The following NRXN3 variants were observed in gnomAD, a reference collection of about 807,000 sequenced individuals.
NRXN3 encodes neurexin 3.
Under a neutral mutation model 137.6 loss-of-function variants are expected in NRXN3, and 32 were observed. The ratio of observed to expected loss-of-function variants is 0.23; its 90% confidence interval spans 0.18 to 0.31. The LOEUF (loss-of-function observed/expected upper bound fraction) is 0.31, where lower values mean the gene tolerates loss of function less well. Ranked by LOEUF, NRXN3 falls within the 10% of genes least tolerant of loss-of-function variation. The probability of loss-of-function intolerance (pLI) is 1.00; values close to 1 mark genes in which losing one functional copy is unlikely to be tolerated. For synonymous variants in NRXN3, 798 were observed against 784.5 expected (o/e 1.02, Z -0.29); for missense variants, 1,574 against 2,062.5 (o/e 0.76, Z 4.59).
intron 20 of NRXN3, among the ~76,000 whole-genome samples, chr14:79,814,291 ATCTTG>A (rs1310576123): frequency 8.5e-5 from 13 of 152,180 alleles, no homozygotes; most frequent in African/African-American, 2.9e-4. Context: ...CTGTCTTGCC[ATCTTG>A]TCTTGTCCAC....
Position 78,715,026 on chromosome 14 carries a change from C to A in NRXN3, c.1931C>A (p.Ala644Asp). The A allele has an allele frequency of 6.2e-7, 1 of 1,613,982 alleles. No individual in the cohort carries two copies. The highest frequency in any genetic ancestry group is 8.5e-7 in the Non-Finnish European group (1 of 1,180,020). ...AAGTCCTCCTGTTCACGGATGAGTG[C>A]CAAGCAGTGTGACAGCTACCCCTGC... ...GVKSSCSRMS[A>D]KQCDSYPCKN... Residue 644 changes from alanine (A) to aspartate (D), a missense_variant, in exon 8 of 21, where the codon GCC becomes GAC. By Grantham distance (126) the Ala-to-Asp change is moderately radical. Transcript: ENST00000335750.
intron 15 of NRXN3, among the ~76,000 whole-genome samples, chr14:79,238,281 G>A (rs535365492): frequency 7.6e-6 from 1 of 132,354 alleles, no homozygotes; most frequent in South Asian, 2.7e-4. Context: ...CATATTGCGT[G>A]TATAAATACT....
rs959217034 is a variant in NRXN3 at position 79,645,473 on chromosome 14, G to A, written c.3445-18305G>A. Among the ~76,000 whole-genome samples the A allele has an allele frequency of 5.2e-5, 7 of 133,562 alleles. 1 individual carries two copies. The highest frequency in any genetic ancestry group is 3.8e-3 in the Middle Eastern group (1 of 260). 87.6% of individuals were successfully genotyped at this position (133,562 alleles called of 152,430 possible). A position where few individuals can be genotyped will look rare whatever the true frequency, so the allele number is the denominator to read the frequency against. On this transcript the variant is annotated intron_variant, in intron 16 of 20. Transcript: ENST00000335750. ...TCTACTAAAAATACAAAAATCAGCCGGGTGTGGTGGCAGACACCTGTAATC... is the reference window on the plus strand; with the variant it reads ...TCTACTAAAAATACAAAAATCAGCCAGGTGTGGTGGCAGACACCTGTAATC...
chr14:79,728,603 T>G (rs1000414301), intron 19 of NRXN3, among the ~76,000 whole-genome samples: 4 of 152,208 alleles, frequency 2.6e-5, no homozygotes, highest in Non-Finnish European at 5.9e-5. Context: ...ACATTGGTTC[T>G]CAGTGCAGTA....
chr14:79,349,425 AAAG>A (rs1355493715), intron 15 of NRXN3, among the ~76,000 whole-genome samples: 3 of 152,162 alleles, frequency 2.0e-5, no homozygotes, highest in African/African-American at 4.8e-5. Context: ...AAGGAGAAAA[AAAG>A]AAGAGAAAGA....
rs938329518 is a variant in NRXN3, at chr14:79,420,650, A to G, written c.3263-46571A>G. Among the ~76,000 whole-genome samples the G allele has an allele frequency of 5.9e-5, 9 of 152,194 alleles. No individual in the cohort carries two copies. The East Asian group carries it at 1.3e-3, about 23-fold the overall frequency. The stretch of plus-strand genomic sequence containing the variant: ...TGTCTGTCATTTTATAAAACCAAAA[A>G]GCAAGCAAAAAACACATGGTGGCAA... On this transcript the variant is annotated intron_variant, in intron 15 of 20. Transcript: ENST00000335750.
chr14:78,352,995 CT>C (rs2083762700), intron 4 of NRXN3, among the ~76,000 whole-genome samples: 1 of 152,210 alleles, frequency 6.6e-6, no homozygotes, highest in African/African-American at 2.4e-5. Context: ...ATTTCTGACT[CT>C]TCCTTAAGGT....
chr14:79,034,733 C>T (rs1568060706), intron 15 of NRXN3, among the ~76,000 whole-genome samples: 1 of 151,952 alleles, frequency 6.6e-6, no homozygotes, highest in African/African-American at 2.4e-5. Flanking sequence ...ATTTTGATAA[C>T]TGAGAGTTTA....
chr14:79,720,019 A>G (rs534855279), intron 19 of NRXN3, among the ~76,000 whole-genome samples: 125 of 152,206 alleles, frequency 8.2e-4, no homozygotes, highest in African/African-American at 2.9e-3. Context: ...TTGAAATATA[A>G]CATCCCTGGG....
At position 78,906,213 on chromosome 14, in the gene NRXN3, A is replaced by C. The variant is rs189861680; in HGVS notation, c.2276-51029A>C. Among the ~76,000 whole-genome samples the C allele has an allele frequency of 8.7e-4, 132 of 152,256 alleles. 2 individuals carry two copies. Among genetic ancestry groups the C allele is most frequent in the Admixed American group, 8.6e-3 (131 of 15,276 alleles). On this transcript the variant is annotated intron_variant, in intron 10 of 20. Transcript: ENST00000335750. Reference sequence around the variant, plus strand: ...TATATAATTATAATTTCAGTGAATCAACTGCAAATTCATCAAAGGCTATTT... The same window carrying C: ...TATATAATTATAATTTCAGTGAATCCACTGCAAATTCATCAAAGGCTATTT...
At chr14:78,379,464 C>T (rs2088617832) in intron 4 of NRXN3, among the ~76,000 whole-genome samples, 1 of 152,014 alleles carries the variant, frequency 6.6e-6, no homozygotes, top group Admixed American at 6.6e-5. Context: ...GCTCAGCATT[C>T]AAAAATTGAT....
chr14:78,678,503 T>C (rs1376256485), intron 6 of NRXN3, among the ~76,000 whole-genome samples: 3 of 152,120 alleles, frequency 2.0e-5, no homozygotes, highest in Non-Finnish European at 4.4e-5. Context: ...TACATATACC[T>C]AGAAGTGCAG....
intron 15 of NRXN3, among the ~76,000 whole-genome samples, chr14:79,220,761 AT>A (rs1481389671): frequency 2.6e-5 from 4 of 151,812 alleles, no homozygotes; most frequent in African/African-American, 7.3e-5. Context: ...ATACATATAT[AT>A]TTTTTATTAT....
At chr14:78,275,120 A>G (rs2073389397) in intron 2 of NRXN3, among the ~76,000 whole-genome samples, 1 of 152,218 alleles carries the variant, frequency 6.6e-6, no homozygotes, top group Non-Finnish European at 1.5e-5. Context: ...CTACTTCCTC[A>G]GAAAGACCTC....
chr14:78,726,959 T>TAAAAAAAAA (rs55802240), intron 8 of NRXN3, among the ~76,000 whole-genome samples: 13 of 120,944 alleles, frequency 1.1e-4, no homozygotes, highest in Admixed American at 2.7e-4. Flanking sequence ...ATTTATTCAC[T>TAAAAAAAAA]AAAAAAAAAA....
intron 16 of NRXN3, chr14:79,661,850 A>G (rs1462224504): frequency 6.6e-6 from 1 of 152,128 alleles, no homozygotes; most frequent in Non-Finnish European, 1.5e-5. Context: ...GTCTTGTAGA[A>G]TGTCAGAATT....
intron 15 of NRXN3, among the ~76,000 whole-genome samples, chr14:79,130,956 T>A (rs1342010125): frequency 5.3e-5 from 8 of 152,202 alleles, no homozygotes; most frequent in Non-Finnish European, 1.0e-4. Context: ...TACCCTTTCT[T>A]CCAGTTGATC....
At chr14:78,532,375 T>TTTTGTG (rs375133680) in intron 4 of NRXN3, among the ~76,000 whole-genome samples, 4 of 138,586 alleles carry the variant, frequency 2.9e-5, no homozygotes, top group African/African-American at 8.1e-5. Context: ...TGATGATATT[T>TTTTGTG]TGTGTGTGTG....
At chr14:79,819,372 T>G (rs1284651900) in intron 20 of NRXN3, among the ~76,000 whole-genome samples, 1 of 152,088 alleles carries the variant, frequency 6.6e-6, no homozygotes, top group Non-Finnish European at 1.5e-5. Context: ...GTCTTTTTTT[T>G]TGTTTTTAAT....
Sources: gnomAD v4.1 joint callset for allele counts (sites outside exome capture counted in the v4.1 genomes callset) on GRCh38, gnomAD v4.1.1 for gene constraint, MANE v1.5 for transcripts, NCBI Gene and HGNC (gene_info 2026-07-23, HGNC 2026-07-21) for gene names.